The following MMP13 variants were observed in gnomAD, a reference collection of about 807,000 sequenced individuals.
MMP13 encodes the protein collagenase 3.
MMP13 carries 45 observed loss-of-function variants against 52.1 expected under a neutral mutation model. The ratio of observed to expected loss-of-function variants is 0.86; its 90% CI spans 0.68 to 1.11. MMP13 has a LOEUF of 1.11. Ranked by LOEUF, MMP13 falls within the 50% of genes least tolerant of loss-of-function variation. The probability of loss-of-function intolerance (pLI) is 0.00; values close to 1 mark genes in which losing one functional copy is unlikely to be tolerated. For missense variants in MMP13, 576 were observed against 583.8 expected (o/e 0.99, Z 0.14); for synonymous variants, 200 against 204.4 (o/e 0.98, Z 0.18).
At position 102,943,669 on chromosome 11, in the gene MMP13, C is replaced by CT; in HGVS notation, c.*596dup. On this transcript the variant is annotated 3_prime_UTR_variant, in exon 10 of 10. Coordinates refer to ENST00000260302, the MANE Select transcript of MMP13 (RefSeq NM_002427.4). ...GAATTCAAAGGCCACATCTACTATT[C>CT]TTACCACTGCTCTTTTGTCTCCTGT... is the stretch of plus-strand genomic sequence containing the variant. 1 of 153,942 alleles carries CT rather than the reference C, an allele frequency of 6.5e-6. No individual in the cohort carries two copies. Among genetic ancestry groups the CT allele is most frequent in the East Asian group, 1.9e-4 (1 of 5,234 alleles). The allele number at this position is 153,942 out of a possible 1,614,324, so 9.5% of individuals were successfully genotyped here. A position where few individuals can be genotyped will look rare whatever the true frequency, so the allele number is the denominator to read the frequency against.
intron 8 of MMP13, among the ~76,000 whole-genome samples, chr11:102,946,627 G>A (rs575130410): frequency 1.3e-5 from 2 of 152,240 alleles, no homozygotes; most frequent in Admixed American, 6.5e-5. Flanking sequence ...ATTTCAAGAG[G>A]GAGAGATGCA....
chr11:102,950,281 T>C lies in MMP13; in HGVS notation c.800-54A>G, dbSNP rs1322458757. 1.6e-5 allele frequency: 21 copies of C among 1,338,138 alleles called. No individual in the cohort carries two copies. In the East Asian group the frequency reaches 4.8e-4, roughly 31 times the overall value. The allele number at this position is 1,338,138 out of a possible 1,614,324, so 82.9% of individuals were successfully genotyped here. A position where few individuals can be genotyped will look rare whatever the true frequency, so the allele number is the denominator to read the frequency against. ...TATGAGTGTGACATTACTGATAACC[T>C]GAGTCACAGTACAACAGGCTGATCT... is the stretch of plus-strand genomic sequence containing the variant. On this transcript the variant is annotated intron_variant, in intron 5 of 9. Coordinates refer to ENST00000260302, the MANE Select transcript of MMP13 (RefSeq NM_002427.4).
chr11:102,951,864 T>C (rs1860617334), intron 5 of MMP13, 148 bp downstream of exon 5: 1 of 768,806 alleles, frequency 1.3e-6, no homozygotes, highest in South Asian at 1.6e-5. Context: ...TTAAAAATAC[T>C]GTATTACAGT....
chr11:102,948,093 A>G (rs1011232959), intron 7 of MMP13, 43 bp from the exon 8 acceptor site: 10 of 1,562,870 alleles, frequency 6.4e-6, no homozygotes, highest in South Asian at 5.6e-5. Flanking sequence ...AAGGGAATCT[A>G]TTAGGACTTA....
At chr11:102,946,678 C>T (rs927326785) in intron 8 of MMP13, among the ~76,000 whole-genome samples, 4 of 152,098 alleles carry the variant, frequency 2.6e-5, no homozygotes, top group African/African-American at 9.7e-5. Context: ...CTAAGAGAAG[C>T]TTAAGGGGAT....
In MMP13 at chr11:102,944,347, G is replaced by A. The variant is rs145432284; in HGVS notation, c.1335C>T (p.Asn445=). 1.8e-4 allele frequency: 293 copies of A among 1,610,596 alleles called. 1 individual carries two copies. The African/African-American group carries it at 3.2e-3, about 18-fold the overall frequency. The stretch of plus-strand genomic sequence containing the variant: ...TGCTGTATTCAAACTGTATGGGTCC[G>A]TTGAAAAAATAGATATAACCTATAA... ...YEKNGYIYFF[N]GPIQFEYSIW... is the part of the protein sequence containing the mutation. The change falls in exon 10 of 10, where the codon AAC becomes AAT. Residue 445 remains asparagine (N), a synonymous_variant. Transcript: ENST00000260302.
At position 102,945,987 on chromosome 11, in the gene MMP13, C is replaced by T. The variant is rs1360643645; in HGVS notation, c.1212-238G>A. ...ATCTTTTTAAAGAGAGTTACAAGCT[C>T]ATTTCCATTTCACAAATGATATATC... On this transcript the variant is annotated intron_variant, in intron 8 of 9. Coordinates refer to ENST00000260302, the MANE Select transcript of MMP13 (RefSeq NM_002427.4). Among the ~76,000 whole-genome samples the T allele has an allele frequency of 2.6e-5, 4 of 152,152 alleles. No individual in the cohort carries two copies. In the East Asian group the frequency reaches 7.7e-4, roughly 29 times the overall value.
At chr11:102,948,074 C>T (rs1860544781) in intron 7 of MMP13, 24 bp from the exon 8 acceptor site, 2 of 1,607,554 alleles carry the variant, frequency 1.2e-6, no homozygotes, top group Non-Finnish European at 1.7e-6. Flanking sequence ...AATAACAGTT[C>T]TATTATCCAA....
Position 102,952,186 on chromosome 11 carries a change from A to C in MMP13, c.638-13T>G. ...AACAAGTTGTAGCCTGTAAGAAAAC[A>C]AAGAAACAATGAGAAAAAAAGGAAT... On this transcript the variant is annotated splice_polypyrimidine_tract_variant and intron_variant, in intron 4 of 9. Transcript: ENST00000260302. This position sits in a 1 kb window ranked among gnomAD's most constrained non-coding sequence, Gnocchi z 4.3. 6.2e-7 allele frequency: 1 copy of C among 1,612,614 alleles called. No homozygotes were observed. The highest frequency in any genetic ancestry group is 8.5e-7 in the Non-Finnish European group (1 of 1,178,910).
chr11:102,944,271 A>G lies in MMP13; in HGVS notation c.1411T>C (p.Cys471Arg). 1 of 1,611,798 alleles carries G rather than the reference A, an allele frequency of 6.2e-7. No homozygotes were observed. The highest frequency in any genetic ancestry group is 8.5e-7 in the Non-Finnish European group (1 of 1,178,136). ...AACAATTTTTAAAAAGACACTTAACACCACAAAATGGAATTTGCTGGCATG... is the reference window on the plus strand; with the variant it reads ...AACAATTTTTAAAAAGACACTTAACGCCACAAAATGGAATTTGCTGGCATG... ...RVMPANSILW[C>R] is the part of the protein sequence containing the mutation. Residue 471 changes from cysteine to arginine, a missense_variant, in exon 10 of 10, where the codon TGT becomes CGT. Transcript: ENST00000260302.
At position 102,955,710 on chromosome 11, in the gene MMP13, A is replaced by G; in HGVS notation, c.-5T>C. 1 of 1,613,856 alleles carries G rather than the reference A, an allele frequency of 6.2e-7. No homozygotes were observed. The highest frequency in any genetic ancestry group is 8.5e-7 in the Non-Finnish European group (1 of 1,179,840). ...AGCCAGGACCCCTGGATGCATCTTG[A>G]ATGGTGATGCCTGGGGACTGTTGTC... On this transcript the variant is annotated 5_prime_UTR_variant, in exon 1 of 10. Coordinates refer to ENST00000260302, the MANE Select transcript of MMP13 (RefSeq NM_002427.4). The surrounding 1 kb of genome is among the most constrained non-coding windows in gnomAD (Gnocchi z 4.9).
Position 102,954,557 on chromosome 11 carries a change from A to G in MMP13, c.412T>C (p.Phe138Leu), listed in dbSNP as rs1253355235. The change falls in exon 3 of 10, where the codon TTC (phenylalanine) becomes CTC (leucine). Residue 138 changes from phenylalanine (F) to leucine (L), a missense_variant. Transcript: ENST00000260302. ...DMTHSEVEKA[F>L]KKAFKVWSDV... ...GACCAAACTTTGAAGGCTTTTTTGA[A>G]TGCCTTTTCGACTTCAGAATGAGTC... The G allele has an allele frequency of 6.2e-7, 1 of 1,613,734 alleles. No individual in the cohort carries two copies. Among genetic ancestry groups the G allele is most frequent in the Admixed American group, 1.7e-5 (1 of 59,980 alleles).
Position 102,949,063 on chromosome 11 carries a change from T to C in MMP13, c.1013A>G (p.Tyr338Cys), listed in dbSNP as rs1860563870. 1.9e-6 allele frequency: 3 copies of C among 1,613,806 alleles called. No homozygotes were observed. Residue 338 changes from tyrosine to cysteine, a missense_variant, in exon 7 of 10, where the codon TAT becomes TGT. Physicochemically the swap from Tyr to Cys is radical, Grantham distance 194. Coordinates refer to ENST00000260302, the MANE Select transcript of MMP13 (RefSeq NM_002427.4). This position sits in a 1 kb window ranked among gnomAD's most constrained non-coding sequence, Gnocchi z 4.2. ...PELPNRIDAA[Y>C]EHPSHDLIFI... ...GATGAGGTCATGAGAAGGGTGCTCA[T>C]ATGCAGCATCAATACGGTTGGGAAG...
chr11:102,949,639 T>G lies in MMP13; in HGVS notation c.917+471A>C, dbSNP rs1444361118. 6.6e-6 allele frequency among the ~76,000 whole-genome samples: 1 copy of G among 152,204 alleles called. No homozygotes were observed. The highest frequency in any genetic ancestry group is 1.5e-5 in the Non-Finnish European group (1 of 68,034). ...CACAGATGAGGGATCAATGAATGAATGAATAAACAAGCATACTGGAACAGT... is the reference window on the plus strand; with the variant it reads ...CACAGATGAGGGATCAATGAATGAAGGAATAAACAAGCATACTGGAACAGT... On this transcript the variant is annotated intron_variant, in intron 6 of 9. Transcript: ENST00000260302. The surrounding 1 kb of genome is among the most constrained non-coding windows in gnomAD (Gnocchi z 4.2).
At chr11:102,945,377 G>T in intron 9 of MMP13, 2 of 810,040 alleles carry the variant, frequency 2.5e-6, no homozygotes, top group Non-Finnish European at 3.3e-6. Flanking sequence ...TTGCATTTTG[G>T]CATCTTTAAG....
rs1555016365 is a variant in MMP13, at chr11:102,944,172, T to G, written c.*94A>C. On this transcript the variant is annotated 3_prime_UTR_variant, in exon 10 of 10. Transcript: ENST00000260302. ...TGAAGCTTGTTCACAGAACCAAGCTTTCTCCTGATAGCTCTTCTTCCCCTA... is the reference window on the plus strand; with the variant it reads ...TGAAGCTTGTTCACAGAACCAAGCTGTCTCCTGATAGCTCTTCTTCCCCTA... 1.1e-6 allele frequency: 1 copy of G among 911,732 alleles called. No homozygotes were observed. The highest frequency in any genetic ancestry group is 1.7e-5 in the Admixed American group (1 of 58,280). The allele number at this position is 911,732 out of a possible 1,614,324, so 56.5% of individuals were successfully genotyped here.
chr11:102,945,669 A>G lies in MMP13; in HGVS notation c.1292T>C (p.Val431Ala), dbSNP rs782474625. The change falls in exon 9 of 10, where the codon GTA (valine) becomes GCA (alanine). Residue 431 changes from valine (V) to alanine (A), a missense_variant. Physicochemically the swap from Val to Ala is moderately conservative, Grantham distance 64. Transcript: ENST00000260302. ...EEDFPGIGDK[V>A]DAVYEKNGYI... Reference sequence around the variant, plus strand: ...ACCATTTTTCTCATAGACAGCATCTACTTTATCACCAATTCCTGGGAAGTC... The same window carrying G: ...ACCATTTTTCTCATAGACAGCATCTGCTTTATCACCAATTCCTGGGAAGTC... 87 of 1,599,272 alleles carry G rather than the reference A, an allele frequency of 5.4e-5. No homozygotes were observed. The highest frequency in any genetic ancestry group is 7.4e-5 in the Non-Finnish European group (86 of 1,167,496).
chr11:102,944,378 A>G lies in MMP13; in HGVS notation c.1316-12T>C, dbSNP rs1555016411. 4 of 1,551,866 alleles carry G rather than the reference A, an allele frequency of 2.6e-6. No homozygotes were observed. Among genetic ancestry groups the G allele is most frequent in the Admixed American group, 3.3e-5 (2 of 59,898 alleles). On this transcript the variant is annotated splice_polypyrimidine_tract_variant and intron_variant, in intron 9 of 9. Transcript: ENST00000260302. ...AAAATAGATATAACCTATAAGAAAA[A>G]GCATAAAGACAATTTCAGAGTTTGA...
chr11:102,951,056 G>T (rs1239965614), intron 5 of MMP13, among the ~76,000 whole-genome samples: 2 of 152,106 alleles, frequency 1.3e-5, no homozygotes, highest in African/African-American at 2.4e-5. Flanking sequence ...ACTGATGACT[G>T]TGTACTGTGG....
Sources: gnomAD v4.1 joint callset for allele counts (sites outside exome capture counted in the v4.1 genomes callset) on GRCh38, gnomAD v4.1.1 for gene constraint, Gnocchi (gnomAD v3.1) non-coding constraint, MANE v1.5 for transcripts, NCBI Gene and HGNC (gene_info 2026-07-23, HGNC 2026-07-21) for gene names.